Variants in PC observed in about 807,000 individuals in gnomAD.
The protein encoded by PC is pyruvate carboxylase, also known as pyruvate carboxylase, mitochondrial.
PC carries 46 observed loss-of-function variants against 107.8 expected under a neutral mutation model. The observed-to-expected ratio is 0.43, with a 90% CI of 0.34 to 0.55. The LOEUF is 0.55. Ranked by LOEUF, PC falls within the 20% of genes least tolerant of loss-of-function variation. The pLI, the probability that PC is intolerant of heterozygous loss-of-function variation, is 0.04. For missense variants in PC, 1,241 were observed against 1,643.1 expected, an observed-to-expected ratio of 0.76 and a Z score of 4.23; for synonymous variants, 662 against 684.7, an observed-to-expected ratio of 0.97 and a Z score of 0.52.
chr11:66,888,355 T>C (rs1321869982), intron 3 of PC, among the ~76,000 whole-genome samples: 2 of 152,192 alleles, frequency 1.3e-5, no homozygotes, highest in African/African-American at 4.8e-5. Context: ...ACCAATCTTT[T>C]GAGACACGCC....
intron 12 of PC, chr11:66,856,500 G>GC (rs957365419): frequency 1.6e-3 from 250 of 152,138 alleles, no homozygotes; most frequent in African/African-American, 3.8e-3. Flanking sequence ...CGCCGCCCCA[G>GC]CCCCCCCCAC....
At chr11:66,876,543 G>T (rs909455924) in intron 3 of PC, among the ~76,000 whole-genome samples, 1 of 152,218 alleles carries the variant, frequency 6.6e-6, no homozygotes, top group Non-Finnish European at 1.5e-5. Flanking sequence ...AGAGGTGCCG[G>T]GAGCACCAGC....
Position 66,866,048 on chromosome 11 carries a change from A to T in PC, c.1185+139T>A. On this transcript the variant is annotated intron_variant, in intron 11 of 22. Coordinates refer to ENST00000393960, the MANE Select transcript of PC (RefSeq NM_001040716.2). The surrounding 1 kb of genome is among the most constrained non-coding windows in gnomAD (Gnocchi z 5.4). The stretch of plus-strand genomic sequence containing the variant: ...CTCTGGGCACTGCCTGCCTCCGTGT[A>T]CTCTATGTCCACTTCAGAGCCCACA... The T allele has an allele frequency of 2.1e-6, 2 of 944,948 alleles. No individual in the cohort carries two copies. Among genetic ancestry groups the T allele is most frequent in the Non-Finnish European group, 3.2e-6 (2 of 628,536 alleles). The allele number at this position is 944,948 out of a possible 1,614,324, so 58.5% of individuals were successfully genotyped here.
intron 3 of PC, among the ~76,000 whole-genome samples, chr11:66,898,301 T>G (rs1014853844): frequency 6.6e-6 from 1 of 152,212 alleles, no homozygotes; most frequent in Non-Finnish European, 1.5e-5. Context: ...TTTAGCCGAC[T>G]GCGCTGCCCT....
intron 3 of PC, among the ~76,000 whole-genome samples, chr11:66,944,226 A>C (rs1395291052): frequency 3.4e-5 from 4 of 116,074 alleles, no homozygotes; most frequent in Admixed American, 3.3e-4. Flanking sequence ...GCTTGCAGTG[A>C]GCCGAGATTG....
chr11:66,892,854 CA>C (rs36052850), intron 3 of PC, among the ~76,000 whole-genome samples: 84 of 133,130 alleles, frequency 6.3e-4, no homozygotes, highest in Admixed American at 6.9e-4. Flanking sequence ...GACTCCATCT[CA>C]AAAAAAAAAA....
At chr11:66,911,963 G>A (rs571981433) in intron 3 of PC, among the ~76,000 whole-genome samples, 1 of 151,690 alleles carries the variant, frequency 6.6e-6, no homozygotes, top group East Asian at 2.0e-4. Context: ...AACCCAGGAG[G>A]CAGAGGTTGT....
chr11:66,925,283 C>T (rs1948689764), intron 3 of PC, among the ~76,000 whole-genome samples: 1 of 152,138 alleles, frequency 6.6e-6, no homozygotes, highest in Non-Finnish European at 1.5e-5. Context: ...CCTAATAAGC[C>T]TGGGAGCTCT....
At chr11:66,864,747 G>A (rs544309338) in intron 11 of PC, among the ~76,000 whole-genome samples, 162 of 152,310 alleles carry the variant, frequency 1.1e-3, no homozygotes, top group African/African-American at 3.8e-3. Context: ...AGACAGAGGC[G>A]CCGACACTCA....
chr11:66,883,065 C>T (rs1329464350), intron 3 of PC, among the ~76,000 whole-genome samples: 2 of 152,188 alleles, frequency 1.3e-5, no homozygotes, highest in East Asian at 1.9e-4. Context: ...CCCCCAGGAG[C>T]GCCGGCTGCT....
chr11:66,867,980 G>T (rs1946565667), intron 10 of PC, among the ~76,000 whole-genome samples: 1 of 152,258 alleles, frequency 6.6e-6, no homozygotes, highest in Non-Finnish European at 1.5e-5. Context: ...GCAGCGTCAA[G>T]AAATTACATG....
rs868731473 is a variant in PC at position 66,857,025 on chromosome 11, C to A, written c.1369-3642G>T. ...GGGTGGATCCCCGCGCGCCCCTCCC[C>A]GTCCGCCCTCCACGTGCGTGTCCGC... On this transcript the variant is annotated intron_variant, in intron 12 of 22. Coordinates refer to ENST00000393960, the MANE Select transcript of PC (RefSeq NM_001040716.2). The surrounding 1 kb of genome is among the most constrained non-coding windows in gnomAD (Gnocchi z 7.1). 3 of 146,728 alleles carry A rather than the reference C, an allele frequency of 2.0e-5. No individual in the cohort carries two copies. In the South Asian group the frequency reaches 6.2e-4, roughly 31 times the overall value. 9.1% of individuals were successfully genotyped at this position (146,728 alleles called of 1,614,324 possible). A position where few individuals can be genotyped will look rare whatever the true frequency, so the allele number is the denominator to read the frequency against.
In PC at chr11:66,848,769, G is replaced by T; in HGVS notation, c.*130C>A. 1 of 1,146,198 alleles carries T rather than the reference G, an allele frequency of 8.7e-7. No homozygotes were observed. Among genetic ancestry groups the T allele is most frequent in the Non-Finnish European group, 1.3e-6 (1 of 775,414 alleles). The allele number at this position is 1,146,198 out of a possible 1,614,324, so 71.0% of individuals were successfully genotyped here. A position where few individuals can be genotyped will look rare whatever the true frequency, so the allele number is the denominator to read the frequency against. The stretch of plus-strand genomic sequence containing the variant: ...AACCACCGCAGGCGGTGTCTCTCCT[G>T]TCCAGCTGTGGACAGGACCTCCACG... On this transcript the variant is annotated 3_prime_UTR_variant, in exon 23 of 23. Coordinates refer to ENST00000393960, the MANE Select transcript of PC (RefSeq NM_001040716.2).
chr11:66,860,707 G>A (rs1055315566), intron 12 of PC: 12 of 700,638 alleles, frequency 1.7e-5, no homozygotes, highest in Admixed American at 1.0e-4. Flanking sequence ...GCCTACCCTC[G>A]CCTGTAAGTG....
At position 66,870,903 on chromosome 11, in the gene PC, G is replaced by T; in HGVS notation, c.634-11C>A. ...ATTCTCCTCCAGCTCCTGCGAGGGC[G>T]GGCAGGGGCCAGCCAGACCTCAGAC... On this transcript the variant is annotated splice_polypyrimidine_tract_variant and intron_variant, in intron 7 of 22. Transcript: ENST00000393960. The surrounding 1 kb of genome is among the most constrained non-coding windows in gnomAD (Gnocchi z 6.1). 1 of 1,609,836 alleles carries T rather than the reference G, an allele frequency of 6.2e-7. No individual in the cohort carries two copies.
At chr11:66,932,906 G>A (rs1948896477) in intron 3 of PC, among the ~76,000 whole-genome samples, 1 of 152,100 alleles carries the variant, frequency 6.6e-6, no homozygotes, top group African/African-American at 2.4e-5. Flanking sequence ...TGAATATCAA[G>A]AAGTAGTTGG....
chr11:66,937,360 C>T (rs975608770), intron 3 of PC, among the ~76,000 whole-genome samples: 98 of 152,288 alleles, frequency 6.4e-4, no homozygotes, highest in African/African-American at 2.3e-3. Flanking sequence ...GATCAAAGAT[C>T]CTTTGAACAA....
chr11:66,923,238 T>A (rs1236307324), intron 3 of PC, among the ~76,000 whole-genome samples: 2 of 151,952 alleles, frequency 1.3e-5, no homozygotes, highest in African/African-American at 4.8e-5. Flanking sequence ...GGCATGCAAC[T>A]GTAGTCCCAG....
rs561190389 is a variant in PC, at chr11:66,877,641, G to A, written c.1-5482C>T. Among the ~76,000 whole-genome samples, 168 of 152,308 alleles carry A rather than the reference G, an allele frequency of 1.1e-3. 5 individuals are homozygous for A. The highest frequency in any genetic ancestry group is 7.9e-4 in the Non-Finnish European group (54 of 68,022). On this transcript the variant is annotated intron_variant, in intron 3 of 22. Transcript: ENST00000393960. ...TTCCAAAATGGGAACCAAGATGTAC[G>A]CAGAAAGATGTTCAAAGCAGCATTA...
Sources: gnomAD v4.1 joint callset for allele counts (sites outside exome capture counted in the v4.1 genomes callset) on GRCh38, gnomAD v4.1.1 for gene constraint, Gnocchi (gnomAD v3.1) non-coding constraint, MANE v1.5 for transcripts, NCBI Gene and HGNC (gene_info 2026-07-23, HGNC 2026-07-21) for gene names.